GLI1: variants seen among roughly 807,000 people sequenced by gnomAD.
GLI1 encodes the protein transcription activator GLI1.
In GLI1, 51 loss-of-function variants were observed where a neutral mutation model predicts 87.8. That is an observed-to-expected ratio of 0.58 (90% CI 0.46 to 0.73). The LOEUF is 0.73. Ranked by LOEUF, GLI1 falls within the 30% of genes least tolerant of loss-of-function variation. The pLI, the probability that GLI1 is intolerant of heterozygous loss-of-function variation, is 0.00. For synonymous variants in GLI1, 528 were observed against 558.2 expected, an observed-to-expected ratio of 0.95 and a Z score of 0.76; for missense variants, 1,292 against 1,437.2, an observed-to-expected ratio of 0.90 and a Z score of 1.63.
rs201832885 is a variant in GLI1 at position 57,471,443 on chromosome 12, T to C, written c.2703T>C (p.Tyr901=). ...TCAAGGCTCAGCTTGTGTGTAATTA[T>C]GTTCAATCTCAACAGGAGCTACTGT... ...GQLKAQLVCN[Y]VQSQQELLWE... The change falls in exon 12 of 12, where the codon TAT becomes TAC. Residue 901 remains tyrosine (Y), a synonymous_variant. Coordinates refer to ENST00000228682, the MANE Select transcript of GLI1 (RefSeq NM_005269.3). This position sits in a 1 kb window ranked among gnomAD's most constrained non-coding sequence, Gnocchi z 4.9. 8 of 1,613,864 alleles carry C rather than the reference T, an allele frequency of 5.0e-6. No individual in the cohort carries two copies. Among genetic ancestry groups the C allele is most frequent in the Admixed American group, 1.7e-5 (1 of 60,012 alleles).
intron 3 of GLI1, 36 bp downstream of exon 3, chr12:57,464,127 CCT>C (rs756358580): frequency 1.1e-5 from 14 of 1,308,930 alleles, no homozygotes; most frequent in Non-Finnish European, 1.6e-5. Flanking sequence ...CCTTTCTGCC[CCT>C]CTCTGACTTG....
Position 57,467,978 on chromosome 12 carries a change from A to G in GLI1, c.1078-16A>G, listed in dbSNP as rs751976744. 8 of 1,571,712 alleles carry G rather than the reference A, an allele frequency of 5.1e-6. No individual in the cohort carries two copies. The highest frequency in any genetic ancestry group is 1.1e-5 in the South Asian group (1 of 90,222). Reference sequence around the variant, plus strand: ...TTTGATCCGTTTGCCTTCTGTCTCCACTCTCCACTCAACAGAAGCCGTATG... The same window carrying G: ...TTTGATCCGTTTGCCTTCTGTCTCCGCTCTCCACTCAACAGAAGCCGTATG... On this transcript the variant is annotated splice_polypyrimidine_tract_variant and intron_variant, in intron 9 of 11. Transcript: ENST00000228682.
Position 57,466,291 on chromosome 12 carries a change from TG to T in GLI1, c.821del (p.Gly274AlafsTer6), listed in dbSNP as rs759448855. The T allele has an allele frequency of 8.1e-6, 13 of 1,613,596 alleles. No homozygotes were observed. The highest frequency in any genetic ancestry group is 1.1e-5 in the Non-Finnish European group (13 of 1,179,792). Reference sequence around the variant, plus strand: ...GGAGCGGAAGGAGTTCGTGTGCCACTGGGGGGGCTGCTCCAGGGAGCTGAGG... The same window carrying T: ...GGAGCGGAAGGAGTTCGTGTGCCACTGGGGGGCTGCTCCAGGGAGCTGAGG... Reference protein sequence around the residue: ...HGERKEFVCHWGGCSRELRPF... With the variant: ...HGERKEFVCHXGGCSRELRPF... On this transcript the variant is annotated frameshift_variant, in exon 8 of 12. Coordinates refer to ENST00000228682, the MANE Select transcript of GLI1 (RefSeq NM_005269.3). LOFTEE classifies it high-confidence loss of function.
At chr12:57,466,784 G>A (rs1409215211) in intron 8 of GLI1, among the ~76,000 whole-genome samples, 6 of 152,030 alleles carry the variant, frequency 3.9e-5, no homozygotes, top group African/African-American at 1.4e-4. Context: ...GGCGCCTGTA[G>A]TCCCTGCTAC....
chr12:57,468,283 C>A, intron 10 of GLI1, 59 bp downstream of exon 10: 1 of 1,106,736 alleles, frequency 9.0e-7, no homozygotes, highest in South Asian at 1.4e-5. Context: ...GGACATCTTT[C>A]TAGTTACTTC....
chr12:57,460,900 C>A (rs911490977), intron 1 of GLI1, among the ~76,000 whole-genome samples: 7 of 152,078 alleles, frequency 4.6e-5, no homozygotes, highest in African/African-American at 7.2e-5. Flanking sequence ...TGTCTTGACC[C>A]TCTGACCTCA....
chr12:57,468,631 T>C (rs1871663835), intron 10 of GLI1, among the ~76,000 whole-genome samples: 1 of 151,818 alleles, frequency 6.6e-6, no homozygotes, highest in Non-Finnish European at 1.5e-5. Flanking sequence ...GCCTGGCTAA[T>C]TTTTCTTCTT....
Position 57,463,948 on chromosome 12 carries a change from G to C in GLI1, c.101-51G>C, listed in dbSNP as rs774474466. 4.3e-6 allele frequency: 6 copies of C among 1,380,696 alleles called. No individual in the cohort carries two copies. In the East Asian group the frequency reaches 1.1e-4, roughly 26 times the overall value. The allele number at this position is 1,380,696 out of a possible 1,614,324, so 85.5% of individuals were successfully genotyped here. ...GATCAGGTCATGTCTGGGGTTTTAA[G>C]GTGAGGTTTATGTATCCTCCATTCC... On this transcript the variant is annotated intron_variant, in intron 2 of 11. Coordinates refer to ENST00000228682, the MANE Select transcript of GLI1 (RefSeq NM_005269.3).
chr12:57,472,085 CAG>C lies in GLI1; in HGVS notation c.*26_*27del, dbSNP rs1872050807. The C allele has an allele frequency of 7.0e-7, 1 of 1,431,046 alleles. No homozygotes were observed. The highest frequency in any genetic ancestry group is 1.4e-5 in the African/African-American group (1 of 69,152). The allele number at this position is 1,431,046 out of a possible 1,614,324, so 88.6% of individuals were successfully genotyped here. ...AAAGAGTAGGGAATCTCATCCATCA[CAG>C]ATCGCATTTCCTAAGGGGTTTCTAT... On this transcript the variant is annotated 3_prime_UTR_variant, in exon 12 of 12. Transcript: ENST00000228682.
At chr12:57,465,047 A>C (rs112107711) in intron 4 of GLI1, 64 bp from the exon 5 acceptor site, 2 of 1,544,404 alleles carry the variant, frequency 1.3e-6, no homozygotes, top group Non-Finnish European at 1.8e-6. Flanking sequence ...GAAATCCTCC[A>C]AATAGCCCAA....
intron 10 of GLI1, 87 bp downstream of exon 10, chr12:57,468,311 T>G (rs901633199): frequency 3.7e-6 from 3 of 817,736 alleles, no homozygotes; most frequent in Non-Finnish European, 6.0e-6. Context: ...ATCCATTCCC[T>G]CCTATAGAAG....
Position 57,470,830 on chromosome 12 carries a change from C to A in GLI1, c.2090C>A (p.Ala697Asp). The change falls in exon 12 of 12, where the codon GCC becomes GAC. Residue 697 changes from alanine (A) to aspartate (D), a missense_variant. Coordinates refer to ENST00000228682, the MANE Select transcript of GLI1 (RefSeq NM_005269.3). ...CCCCCCAGCATCACTGAGAATGCTGCCATGGATGCTAGAGGGCTACAGGAA... is the reference window on the plus strand; with the variant it reads ...CCCCCCAGCATCACTGAGAATGCTGACATGGATGCTAGAGGGCTACAGGAA... ...PQPPSITENA[A>D]MDARGLQEEP... The A allele has an allele frequency of 6.2e-7, 1 of 1,609,640 alleles. No homozygotes were observed. The highest frequency in any genetic ancestry group is 8.5e-7 in the Non-Finnish European group (1 of 1,177,534).
chr12:57,463,826 T>C, intron 2 of GLI1, 35 bp downstream of exon 2: 1 of 1,350,110 alleles, frequency 7.4e-7, no homozygotes, highest in Non-Finnish European at 1.0e-6. Context: ...GCCTTGAGGA[T>C]TTGGCAGATC....
In GLI1 at chr12:57,471,169, G is replaced by T. The variant is rs745528986; in HGVS notation, c.2429G>T (p.Gly810Val). The T allele has an allele frequency of 6.2e-7, 1 of 1,607,092 alleles. No individual in the cohort carries two copies. Among genetic ancestry groups the T allele is most frequent in the Admixed American group, 1.7e-5 (1 of 58,930 alleles). The change falls in exon 12 of 12, where the codon GGA (glycine) becomes GTA (valine). Residue 810 changes from glycine (G) to valine (V), a missense_variant. Around this residue, in one of 3 missense-constraint regions of GLI1, gnomAD observed 897 missense variants for 1,040.7 expected, o/e 0.86. Coordinates refer to ENST00000228682, the MANE Select transcript of GLI1 (RefSeq NM_005269.3). The surrounding 1 kb of genome is among the most constrained non-coding windows in gnomAD (Gnocchi z 4.9). ...YSQCPRLEHY[G>V]QVQVKPEQGC... ...CAGTGTCCTCGACTTGAACATTATG[G>T]ACAAGTGCAAGTCAAGCCAGAACAG...
chr12:57,466,561 A>G (rs992990005), intron 8 of GLI1, among the ~76,000 whole-genome samples, 172 bp downstream of exon 8: 1 of 152,184 alleles, frequency 6.6e-6, no homozygotes, highest in Admixed American at 6.5e-5. Context: ...GATATATATT[A>G]AAACACTCTT....
chr12:57,460,601 G>A (rs1405455231), intron 1 of GLI1: 1 of 152,686 alleles, frequency 6.5e-6, no homozygotes, highest in Non-Finnish European at 1.5e-5. Context: ...GTTTCTGAAA[G>A]GTGGGGACTG....
chr12:57,469,623 CT>C lies in GLI1; in HGVS notation c.1502del (p.Leu501ProfsTer12). The C allele has an allele frequency of 6.2e-7, 1 of 1,614,050 alleles. No homozygotes were observed. The highest frequency in any genetic ancestry group is 8.5e-7 in the Non-Finnish European group (1 of 1,179,948). Reference sequence around the variant, plus strand: ...GTCCACTCTTCGCCGCCTTGAGAACCTCAGGCTGGACCAGCTACATCAACTC... The same window carrying C: ...GTCCACTCTTCGCCGCCTTGAGAACCCAGGCTGGACCAGCTACATCAACTC... The part of the protein sequence containing the change: ...GLSTLRRLEN[L>X]RLDQLHQLRP... On this transcript the variant is annotated frameshift_variant, in exon 11 of 12. Transcript: ENST00000228682. LOFTEE classifies it high-confidence loss of function.
Position 57,467,316 on chromosome 12 carries a change from C to T in GLI1, c.913-17C>T, listed in dbSNP as rs752887326. ...CTCTGTCTGAGAACTATCCTTTGAC[C>T]CCTGCATGTCCCCCAGTTTGAAGGG... On this transcript the variant is annotated splice_polypyrimidine_tract_variant and intron_variant, in intron 8 of 11. Coordinates refer to ENST00000228682, the MANE Select transcript of GLI1 (RefSeq NM_005269.3). The T allele has an allele frequency of 2.5e-6, 4 of 1,591,664 alleles. No individual in the cohort carries two copies. In the South Asian group the frequency reaches 3.4e-5, roughly 13 times the overall value.
At position 57,465,996 on chromosome 12, in the gene GLI1, T is replaced by G. The variant is rs1396491131; in HGVS notation, c.762+71T>G. 19 of 1,442,388 alleles carry G rather than the reference T, an allele frequency of 1.3e-5. No individual in the cohort carries two copies. The East Asian group carries it at 3.6e-4, about 28-fold the overall frequency. 89.3% of individuals were successfully genotyped at this position (1,442,388 alleles called of 1,614,324 possible). A position where few individuals can be genotyped will look rare whatever the true frequency, so the allele number is the denominator to read the frequency against. On this transcript the variant is annotated intron_variant, in intron 7 of 11. Coordinates refer to ENST00000228682, the MANE Select transcript of GLI1 (RefSeq NM_005269.3). ...AGATTCTGAGTGGGACATGGTGGAATCCGGCTGAGGGCAGGAGGTCAGAGG... is the reference window on the plus strand; with the variant it reads ...AGATTCTGAGTGGGACATGGTGGAAGCCGGCTGAGGGCAGGAGGTCAGAGG...
Sources: gnomAD v4.1 joint callset for allele counts (sites outside exome capture counted in the v4.1 genomes callset) on GRCh38, gnomAD v4.1.1 for gene constraint, gnomAD v4.1.1 regional missense constraint, Gnocchi (gnomAD v3.1) non-coding constraint, MANE v1.5 for transcripts, NCBI Gene and HGNC (gene_info 2026-07-23, HGNC 2026-07-21) for gene names.